The following MEI4 variants were observed in gnomAD, a reference collection of about 807,000 sequenced individuals.
MEI4 encodes the protein meiosis-specific protein MEI4.
In MEI4, 27 loss-of-function variants were observed where a neutral mutation model predicts 31.4. The ratio of observed to expected loss-of-function variants is 0.86; its 90% confidence interval spans 0.63 to 1.19. The LOEUF is 1.19. Ranked by LOEUF, MEI4 falls within the 50% of genes most tolerant of loss-of-function variation. The probability of loss-of-function intolerance (pLI) is 0.00; values close to 1 mark genes in which losing one functional copy is unlikely to be tolerated. For missense variants in MEI4, 329 were observed against 398.9 expected, an observed-to-expected ratio of 0.82 and a Z score of 1.49; for synonymous variants, 122 against 145.4, an observed-to-expected ratio of 0.84 and a Z score of 1.16.
chr6:77,921,287 C>T (rs34726016), intron 4 of MEI4, among the ~76,000 whole-genome samples: 9,705 of 151,886 alleles, frequency 0.064, 468 homozygotes, highest in Non-Finnish European at 0.1. Context: ...GCCTCCTGAA[C>T]CAGCCTCTGC....
chr6:77,735,426 C>G (rs562994165), intron 2 of MEI4, among the ~76,000 whole-genome samples: 2 of 152,008 alleles, frequency 1.3e-5, no homozygotes, highest in African/African-American at 4.8e-5. Flanking sequence ...TTGATCGCAT[C>G]GGCTCCTGAG....
intron 4 of MEI4, among the ~76,000 whole-genome samples, chr6:77,922,462 C>A (rs771999161): frequency 4.0e-5 from 6 of 151,584 alleles, no homozygotes; most frequent in Non-Finnish European, 7.4e-5. Context: ...TATACTGATT[C>A]TGCCATTCTC....
chr6:77,902,065 G>A (rs931802455), intron 4 of MEI4, among the ~76,000 whole-genome samples: 1 of 152,044 alleles, frequency 6.6e-6, no homozygotes, highest in Non-Finnish European at 1.5e-5. Flanking sequence ...ACTGGACTAT[G>A]TCTGTTGTTA....
At chr6:77,704,431 A>G (rs1766288143) in intron 2 of MEI4, among the ~76,000 whole-genome samples, 1 of 152,324 alleles carries the variant, frequency 6.6e-6, no homozygotes, top group Non-Finnish European at 1.5e-5. Flanking sequence ...GTTATCTAAA[A>G]GGTTAAATAT....
chr6:77,774,920 G>C (rs189304328), intron 3 of MEI4, among the ~76,000 whole-genome samples: 1 of 152,022 alleles, frequency 6.6e-6, no homozygotes, highest in Non-Finnish European at 1.5e-5. Context: ...TTAAATAACA[G>C]TGTATACAGG....
intron 4 of MEI4, among the ~76,000 whole-genome samples, chr6:77,884,689 C>T (rs536870209): frequency 6.6e-6 from 1 of 152,050 alleles, no homozygotes; most frequent in Non-Finnish European, 1.5e-5. Flanking sequence ...TTTCTAGATT[C>T]TCTATTCTTT....
intron 3 of MEI4, among the ~76,000 whole-genome samples, chr6:77,806,208 T>G (rs561005329): frequency 6.6e-6 from 1 of 152,156 alleles, no homozygotes; most frequent in African/African-American, 2.4e-5. Flanking sequence ...TATTTATTGC[T>G]TTGGGCTTTA....
At chr6:77,805,900 G>C (rs1265908276) in intron 3 of MEI4, among the ~76,000 whole-genome samples, 1 of 151,864 alleles carries the variant, frequency 6.6e-6, no homozygotes, top group Non-Finnish European at 1.5e-5. Context: ...TGGATTATTA[G>C]AGAAAGTTAT....
chr6:77,900,338 A>G (rs1766163221), intron 4 of MEI4, among the ~76,000 whole-genome samples: 1 of 151,830 alleles, frequency 6.6e-6, no homozygotes. Flanking sequence ...ATTACTGGGT[A>G]TATATATATA....
chr6:77,805,697 G>GA lies in MEI4; in HGVS notation c.769-23230dup, dbSNP rs200581925. Among the ~76,000 whole-genome samples the GA allele has an allele frequency of 9.5e-3, 1,438 of 152,140 alleles. 18 individuals are homozygous for GA. Among genetic ancestry groups the GA allele is most frequent in the African/African-American group, 0.032 (1,336 of 41,548 alleles). On this transcript the variant is annotated intron_variant, in intron 3 of 4. Transcript: ENST00000684080. ...AATCAGGATTATTGCTTCAAGGAAAGAAAATTCTAAAAGGATAATGGTAAA... is the reference window on the plus strand; with the variant it reads ...AATCAGGATTATTGCTTCAAGGAAAGAAAAATTCTAAAAGGATAATGGTAAA...
In MEI4 at chr6:77,712,599, T is replaced by G. The variant is rs202091873; in HGVS notation, c.232+21696T>G. Among the ~76,000 whole-genome samples the G allele has an allele frequency of 7.2e-5, 11 of 152,334 alleles. No individual in the cohort carries two copies. In the East Asian group the frequency reaches 1.9e-3, roughly 27 times the overall value. ...AAGACTTATAGATACTAATGAATGA[T>G]CATAATCAACATTTATCATCCAGTA... On this transcript the variant is annotated intron_variant, in intron 2 of 4. Transcript: ENST00000684080.
At chr6:77,807,899 A>G (rs896140502) in intron 3 of MEI4, among the ~76,000 whole-genome samples, 2 of 152,220 alleles carry the variant, frequency 1.3e-5, no homozygotes, top group African/African-American at 2.4e-5. Context: ...TGAGTTGTAC[A>G]CACAAAAAAC....
In MEI4 at chr6:77,820,354, C is replaced by T. The variant is rs149799184; in HGVS notation, c.769-8577C>T. 1.6e-4 allele frequency among the ~76,000 whole-genome samples: 25 copies of T among 151,968 alleles called. No homozygotes were observed. The highest frequency in any genetic ancestry group is 2.8e-4 in the Non-Finnish European group (19 of 67,922). On this transcript the variant is annotated intron_variant, in intron 3 of 4. Transcript: ENST00000684080. This position sits in a 1 kb window ranked among gnomAD's most constrained non-coding sequence, Gnocchi z 4.5. ...GCTCACTGCTGCAGCTTCCACCGCT[C>T]GGGTTCAAGCAGTTCTCCTGCCTCA...
chr6:77,733,691 G>C (rs1345393415), intron 2 of MEI4, among the ~76,000 whole-genome samples: 1 of 151,688 alleles, frequency 6.6e-6, no homozygotes, highest in Non-Finnish European at 1.5e-5. Context: ...GTTTGCTCTT[G>C]CTTTTCTAGT....
intron 4 of MEI4, among the ~76,000 whole-genome samples, chr6:77,911,600 T>C (rs1268649587): frequency 2.6e-5 from 4 of 151,818 alleles, no homozygotes; most frequent in African/African-American, 9.7e-5. Flanking sequence ...TTTGCTTAGG[T>C]AATGGCCTCT....
At chr6:77,660,556 T>TG (rs1040306891) in intron 1 of MEI4, among the ~76,000 whole-genome samples, 1 of 150,432 alleles carries the variant, frequency 6.6e-6, no homozygotes, top group African/African-American at 2.5e-5. Context: ...TAGTTTTTTT[T>TG]GGGGGGGCTT....
intron 3 of MEI4, among the ~76,000 whole-genome samples, chr6:77,786,601 G>A (rs1768742379): frequency 1.3e-5 from 2 of 152,120 alleles, no homozygotes; most frequent in South Asian, 4.1e-4. Context: ...ATAAGGCTTA[G>A]AAGGGGAGAA....
chr6:77,890,422 C>T (rs146571959), intron 4 of MEI4, among the ~76,000 whole-genome samples: 62 of 152,290 alleles, frequency 4.1e-4, no homozygotes, highest in Non-Finnish European at 5.0e-4. Context: ...TTGTTTTGGC[C>T]AATTTCTTCC....
intron 4 of MEI4, among the ~76,000 whole-genome samples, chr6:77,844,438 A>T (rs1162371423): frequency 6.6e-6 from 1 of 152,196 alleles, no homozygotes; most frequent in Non-Finnish European, 1.5e-5. Flanking sequence ...CAATATATGA[A>T]TACACTGTGG....
Sources: gnomAD v4.1 joint callset for allele counts (sites outside exome capture counted in the v4.1 genomes callset) on GRCh38, gnomAD v4.1.1 for gene constraint, Gnocchi (gnomAD v3.1) non-coding constraint, MANE v1.5 for transcripts, NCBI Gene and HGNC (gene_info 2026-07-23, HGNC 2026-07-21) for gene names.